The following LRRN1 variants were observed in gnomAD, a reference collection of about 807,000 sequenced individuals.
The protein encoded by LRRN1 is leucine rich repeat neuronal 1, also known as leucine-rich repeat neuronal protein 1.
A neutral mutation model predicts 45.8 loss-of-function variants in LRRN1; 14 were observed. That is an observed-to-expected ratio of 0.31 (90% confidence interval 0.20 to 0.48). The LOEUF (loss-of-function observed/expected upper bound fraction) is 0.48. LRRN1 is among the 20% of genes least tolerant of loss of function. The pLI, the probability that LRRN1 is intolerant of heterozygous loss-of-function variation, is 0.99. For synonymous variants in LRRN1, 359 were observed against 330.1 expected (o/e 1.09, Z -0.95); for missense variants, 789 against 874.2 (o/e 0.90, Z 1.23).
At chr3:3,825,120 G>A (rs1559294778) in intron 1 of LRRN1, among the ~76,000 whole-genome samples, 1 of 152,084 alleles carries the variant, frequency 6.6e-6, no homozygotes, top group Non-Finnish European at 1.5e-5. Flanking sequence ...CTGGCACTGG[G>A]CTTTTGGCTT....
intron 1 of LRRN1, among the ~76,000 whole-genome samples, chr3:3,840,509 G>T (rs974050024): frequency 6.6e-6 from 1 of 152,186 alleles, no homozygotes; most frequent in Admixed American, 6.5e-5. Flanking sequence ...CTATAATAAA[G>T]TTGTTCTATG....
intron 1 of LRRN1, among the ~76,000 whole-genome samples, chr3:3,809,233 T>C (rs1692827205): frequency 6.6e-6 from 1 of 152,150 alleles, no homozygotes; most frequent in Admixed American, 6.5e-5. Context: ...AGCCTCTGCC[T>C]CCGGGGTTCA....
intron 1 of LRRN1, among the ~76,000 whole-genome samples, chr3:3,838,958 A>G (rs1028846050): frequency 6.6e-6 from 1 of 152,034 alleles, no homozygotes; most frequent in African/African-American, 2.4e-5. Context: ...TCTGTAGGTC[A>G]TCTTTTTTTG....
At chr3:3,801,434 G>C (rs1692650038) in intron 1 of LRRN1, among the ~76,000 whole-genome samples, 1 of 152,178 alleles carries the variant, frequency 6.6e-6, no homozygotes, top group African/African-American at 2.4e-5. Context: ...ATTTTTAAAA[G>C]CTAGGGCTGG....
chr3:3,824,440 T>C (rs560759844), intron 1 of LRRN1, among the ~76,000 whole-genome samples: 1 of 152,282 alleles, frequency 6.6e-6, no homozygotes, highest in Admixed American at 6.5e-5. Context: ...AACTTATACA[T>C]GCAATTTGGC....
intron 1 of LRRN1, among the ~76,000 whole-genome samples, chr3:3,829,119 C>A (rs1278848353): frequency 1.3e-5 from 2 of 151,488 alleles, no homozygotes; most frequent in South Asian, 4.2e-4. Context: ...CATTGTAATA[C>A]TAAGAGATAT....
chr3:3,844,336 A>G (rs1214749670), intron 1 of LRRN1, 28 bp from the exon 2 acceptor site: 2 of 277,878 alleles, frequency 7.2e-6, no homozygotes, highest in African/African-American at 4.4e-5. Flanking sequence ...TGGAATAAGC[A>G]TAACATCTGT....
chr3:3,829,450 C>T, intron 1 of LRRN1, among the ~76,000 whole-genome samples: 1 of 152,182 alleles, frequency 6.6e-6, no homozygotes, highest in East Asian at 1.9e-4. Flanking sequence ...AGTGGCGCCA[C>T]TTCCACCTGT....
At chr3:3,842,191 T>A (rs992976186) in intron 1 of LRRN1, among the ~76,000 whole-genome samples, 1 of 152,162 alleles carries the variant, frequency 6.6e-6, no homozygotes, top group Non-Finnish European at 1.5e-5. Flanking sequence ...ACTACCATTG[T>A]ATATGCGGTC....
chr3:3,802,923 T>A lies in LRRN1; in HGVS notation c.-279+3004T>A, dbSNP rs181043967. ...GCAATTAACCTGCCTGTGTAATCGT[T>A]ATTCTGCAAGTCTAATGAAAGGACA... On this transcript the variant is annotated intron_variant, in intron 1 of 1. Coordinates refer to ENST00000319331, the MANE Select transcript of LRRN1 (RefSeq NM_020873.7). Among the ~76,000 whole-genome samples, 13 of 152,356 alleles carry A rather than the reference T, an allele frequency of 8.5e-5. No homozygotes were observed. The East Asian group carries it at 2.5e-3, about 29-fold the overall frequency.
chr3:3,841,911 A>G (rs1693661289), intron 1 of LRRN1, among the ~76,000 whole-genome samples: 1 of 152,186 alleles, frequency 6.6e-6, no homozygotes, highest in South Asian at 2.1e-4. Context: ...CATGTCACTT[A>G]ATGATGGGGA....
At chr3:3,813,438 T>C (rs896738121) in intron 1 of LRRN1, among the ~76,000 whole-genome samples, 1 of 152,180 alleles carries the variant, frequency 6.6e-6, no homozygotes, top group Non-Finnish European at 1.5e-5. Flanking sequence ...CAAATACTTA[T>C]CAGAAAAAGA....
intron 1 of LRRN1, among the ~76,000 whole-genome samples, chr3:3,818,049 G>T (rs1274671721): frequency 6.6e-6 from 1 of 152,196 alleles, no homozygotes. Context: ...TGTATGTGTA[G>T]TGTTGAATGT....
intron 1 of LRRN1, among the ~76,000 whole-genome samples, chr3:3,807,441 C>T (rs1692788146): frequency 6.6e-6 from 1 of 152,222 alleles, no homozygotes; most frequent in Non-Finnish European, 1.5e-5. Context: ...GATATGCACA[C>T]TTACATGCAC....
rs774420924 is a variant in LRRN1 at position 3,845,583 on chromosome 3, C to T, written c.942C>T (p.Leu314=). Residue 314 remains leucine (L), a synonymous_variant, in exon 2 of 2, where the codon CTC becomes CTT. Coordinates refer to ENST00000319331, the MANE Select transcript of LRRN1 (RefSeq NM_020873.7). The surrounding 1 kb of genome is among the most constrained non-coding windows in gnomAD (Gnocchi z 6.5). ...DRYALDNLPE[L]TKLEATNNPK... ...ATGCCCTGGATAACTTGCCTGAACT[C>T]ACAAAGCTGGAAGCCACCAATAACC... The T allele has an allele frequency of 1.2e-6, 2 of 1,614,126 alleles. No homozygotes were observed. Among genetic ancestry groups the T allele is most frequent in the South Asian group, 2.2e-5 (2 of 91,080 alleles).
rs76552164 is a variant in LRRN1, at chr3:3,816,768, G to A, written c.-279+16849G>A. Among the ~76,000 whole-genome samples the A allele has an allele frequency of 0.013, 2,015 of 152,216 alleles. 26 individuals carry two copies. The highest frequency in any genetic ancestry group is 0.02 in the Non-Finnish European group (1,335 of 68,012). On this transcript the variant is annotated intron_variant, in intron 1 of 1. Coordinates refer to ENST00000319331, the MANE Select transcript of LRRN1 (RefSeq NM_020873.7). This position sits in a 1 kb window ranked among gnomAD's most constrained non-coding sequence, Gnocchi z 4.0. ...GCTCTACAAGTTAGCTTTCTTCTAC[G>A]TGTCTAAAAGAAGGCTGCAATGTAC...
Position 3,845,688 on chromosome 3 carries a change from G to C in LRRN1, c.1047G>C (p.Leu349Phe), listed in dbSNP as rs775573103. The stretch of plus-strand genomic sequence containing the variant: ...GCTTGATGCTGAACAACAATGCCTT[G>C]AATGCCATTTACCAAAAGACAGTCG... The part of the protein sequence containing the change: ...LESLMLNNNA[L>F]NAIYQKTVES... The change falls in exon 2 of 2, where the codon TTG becomes TTC. Residue 349 changes from leucine (L) to phenylalanine (F), a missense_variant. Physicochemically the swap from Leu to Phe is conservative, Grantham distance 22. Transcript: ENST00000319331. The surrounding 1 kb of genome is among the most constrained non-coding windows in gnomAD (Gnocchi z 6.5). The C allele has an allele frequency of 7.4e-6, 12 of 1,613,918 alleles. 1 individual carries two copies. In the South Asian group the frequency reaches 1.3e-4, roughly 18 times the overall value.
Position 3,849,188 on chromosome 3 carries a change from C to A in LRRN1, c.*2396C>A, listed in dbSNP as rs1028249726. On this transcript the variant is annotated 3_prime_UTR_variant, in exon 2 of 2. Coordinates refer to ENST00000319331, the MANE Select transcript of LRRN1 (RefSeq NM_020873.7). ...CCCATAAAGCAAACATTTGAACTTA[C>A]ACAGAATGAGCACTTAAATACGGGT... Among the ~76,000 whole-genome samples, 5 of 152,210 alleles carry A rather than the reference C, an allele frequency of 3.3e-5. No individual in the cohort carries two copies. Among genetic ancestry groups the A allele is most frequent in the Non-Finnish European group, 2.9e-5 (2 of 68,036 alleles).
chr3:3,845,196 C>G lies in LRRN1; in HGVS notation c.555C>G (p.Arg185=), dbSNP rs1693738575. Residue 185 remains arginine (R), a synonymous_variant, in exon 2 of 2, where the codon CGC becomes CGG. Coordinates refer to ENST00000319331, the MANE Select transcript of LRRN1 (RefSeq NM_020873.7). The surrounding 1 kb of genome is among the most constrained non-coding windows in gnomAD (Gnocchi z 6.5). Reference sequence around the variant, plus strand: ...ACAAATTGAAAGTTATTGATAGTCGCTGGTTTGATTCTACACCCAACCTGG... The same window carrying G: ...ACAAATTGAAAGTTATTGATAGTCGGTGGTTTGATTCTACACCCAACCTGG... ...NSNKLKVIDS[R]WFDSTPNLEI... is the part of the protein sequence containing the mutation. The G allele has an allele frequency of 6.2e-6, 10 of 1,614,174 alleles. No homozygotes were observed. The highest frequency in any genetic ancestry group is 8.5e-6 in the Non-Finnish European group (10 of 1,180,038).
Sources: gnomAD v4.1 joint callset for allele counts (sites outside exome capture counted in the v4.1 genomes callset) on GRCh38, gnomAD v4.1.1 for gene constraint, Gnocchi (gnomAD v3.1) non-coding constraint, MANE v1.5 for transcripts, NCBI Gene and HGNC (gene_info 2026-07-23, HGNC 2026-07-21) for gene names.